Variants in ERBB4 observed in about 807,000 individuals in gnomAD.
ERBB4 encodes the protein erb-b2 receptor tyrosine kinase 4, also known as receptor tyrosine-protein kinase erbB-4.
ERBB4 carries 42 observed loss-of-function variants against 158.0 expected under a neutral mutation model. That is an observed-to-expected ratio of 0.27 (90% confidence interval 0.21 to 0.34). The LOEUF (loss-of-function observed/expected upper bound fraction) is 0.34, where lower values mean the gene tolerates loss of function less well. Among genes scored for constraint, ERBB4 ranks in the 10% least tolerant of loss-of-function variants. The pLI, the probability that ERBB4 is intolerant of heterozygous loss-of-function variation, is 1.00. For synonymous variants in ERBB4, 583 were observed against 558.7 expected, an observed-to-expected ratio of 1.04 and a Z score of -0.61; for missense variants, 1,333 against 1,624.1, an observed-to-expected ratio of 0.82 and a Z score of 3.08.
At chr2:212,395,057 T>C (rs2090985319) in intron 1 of ERBB4, among the ~76,000 whole-genome samples, 1 of 152,130 alleles carries the variant, frequency 6.6e-6, no homozygotes, top group East Asian at 1.9e-4. Flanking sequence ...AAACAATATC[T>C]AAAAGTCACT....
At chr2:212,027,813 G>T (rs998262387) in intron 2 of ERBB4, among the ~76,000 whole-genome samples, 3 of 151,942 alleles carry the variant, frequency 2.0e-5, no homozygotes, top group Admixed American at 6.6e-5. Flanking sequence ...TCACTTTGCA[G>T]CTTAGTCTTT....
chr2:211,681,532 T>G lies in ERBB4; in HGVS notation c.1490-2348A>C, dbSNP rs139775288. Among the ~76,000 whole-genome samples the G allele has an allele frequency of 3.2e-3, 484 of 152,370 alleles. 2 individuals are homozygous for G. Among genetic ancestry groups the G allele is most frequent in the African/African-American group, 0.011 (440 of 41,596 alleles). ...CCCTACATCTTCACCAACACTGATG[T>G]GGTCAGTTTGTTCAATTTCAAACTA... is the stretch of plus-strand genomic sequence containing the variant. On this transcript the variant is annotated intron_variant, in intron 12 of 27. Coordinates refer to ENST00000342788, the MANE Select transcript of ERBB4 (RefSeq NM_005235.3).
intron 3 of ERBB4, among the ~76,000 whole-genome samples, chr2:211,912,165 A>C (rs1163614503): frequency 2.0e-5 from 3 of 152,212 alleles, no homozygotes; most frequent in Non-Finnish European, 4.4e-5. Flanking sequence ...TACATTTTAC[A>C]CAAGATATAG....
intron 20 of ERBB4, among the ~76,000 whole-genome samples, chr2:211,432,653 T>TAC: frequency 6.6e-6 from 1 of 152,130 alleles, no homozygotes; most frequent in East Asian, 1.9e-4. Context: ...GATAGAATAT[T>TAC]TTCATATCTT....
chr2:211,743,747 C>T (rs548173998), intron 5 of ERBB4, among the ~76,000 whole-genome samples: 3 of 152,278 alleles, frequency 2.0e-5, no homozygotes, highest in South Asian at 4.1e-4. Flanking sequence ...TACATTAATC[C>T]ACTAAATCAA....
rs1164626992 is a variant in ERBB4 at position 211,725,025 on chromosome 2, T to C, written c.741+51A>G. The C allele has an allele frequency of 5.4e-6, 7 of 1,288,818 alleles. No homozygotes were observed. The South Asian group carries it at 8.3e-5, about 15-fold the overall frequency. 79.8% of individuals were successfully genotyped at this position (1,288,818 alleles called of 1,614,324 possible). A position where few individuals can be genotyped will look rare whatever the true frequency, so the allele number is the denominator to read the frequency against. On this transcript the variant is annotated intron_variant, in intron 6 of 27. Transcript: ENST00000342788. ...AAAGATTCAGTATGCCTGAATCAAA[T>C]AGGGAAGGAAAGGAGAGCAGGATAA...
chr2:212,310,053 CTAAG>C (rs1164045519), intron 1 of ERBB4, among the ~76,000 whole-genome samples: 3 of 150,366 alleles, frequency 2.0e-5, no homozygotes, highest in African/African-American at 7.3e-5. Flanking sequence ...ATGCATTTTT[CTAAG>C]TAAGTAAACA....
intron 1 of ERBB4, among the ~76,000 whole-genome samples, chr2:212,166,038 C>A (rs1173739544): frequency 6.6e-6 from 1 of 151,392 alleles, no homozygotes; most frequent in African/African-American, 2.4e-5. Flanking sequence ...GAAAGTTGTG[C>A]TCTGATAACA....
intron 3 of ERBB4, among the ~76,000 whole-genome samples, chr2:211,818,798 A>G (rs2076930724): frequency 6.6e-6 from 1 of 152,056 alleles, no homozygotes; most frequent in Non-Finnish European, 1.5e-5. Flanking sequence ...TCTGTGAGGA[A>G]TGATATAGTC....
chr2:211,892,926 G>T (rs1234626214), intron 3 of ERBB4, among the ~76,000 whole-genome samples: 1 of 144,580 alleles, frequency 6.9e-6, no homozygotes, highest in Non-Finnish European at 1.5e-5. Flanking sequence ...CAAACAAATG[G>T]AAGAACATTC....
intron 12 of ERBB4, among the ~76,000 whole-genome samples, chr2:211,684,635 A>C (rs1369261104): frequency 2.6e-5 from 4 of 152,188 alleles, no homozygotes; most frequent in Admixed American, 1.3e-4. Context: ...ACTGCTCTAT[A>C]GCTAACTATT....
chr2:211,724,996 A>G (rs1173923528), intron 6 of ERBB4, 80 bp downstream of exon 6: 1 of 1,079,074 alleles, frequency 9.3e-7, no homozygotes, highest in Non-Finnish European at 1.4e-6. Context: ...GATTGTAATA[A>G]GACAAAGATT....
At chr2:211,658,674 G>A (rs1483503030) in intron 15 of ERBB4, among the ~76,000 whole-genome samples, 1 of 152,046 alleles carries the variant, frequency 6.6e-6, no homozygotes, top group Non-Finnish European at 1.5e-5. Context: ...ACAAAAACAA[G>A]TTTTTAAACT....
intron 4 of ERBB4, among the ~76,000 whole-genome samples, chr2:211,757,434 G>A (rs908607762): frequency 6.6e-6 from 1 of 152,152 alleles, no homozygotes; most frequent in African/African-American, 2.4e-5. Flanking sequence ...GGCAATTACT[G>A]TACAGGAAAA....
chr2:211,999,931 T>G (rs1173507524), intron 2 of ERBB4, among the ~76,000 whole-genome samples: 1 of 151,788 alleles, frequency 6.6e-6, no homozygotes, highest in Non-Finnish European at 1.5e-5. Context: ...CAGTGGTTAT[T>G]ATGATTATAT....
Position 212,086,991 on chromosome 2 carries a change from T to C in ERBB4, c.234+37761A>G, listed in dbSNP as rs553584072. ...GAGACATTACCTCCTACCCCTAACA[T>C]CTGTCTCAGGCTAGTCACATCCACT... On this transcript the variant is annotated intron_variant, in intron 2 of 27. Coordinates refer to ENST00000342788, the MANE Select transcript of ERBB4 (RefSeq NM_005235.3). Among the ~76,000 whole-genome samples, 8 of 152,152 alleles carry C rather than the reference T, an allele frequency of 5.3e-5. No individual in the cohort carries two copies. The East Asian group carries it at 1.2e-3, about 22-fold the overall frequency.
chr2:212,016,140 A>G (rs2076524001), intron 2 of ERBB4, among the ~76,000 whole-genome samples: 2 of 122,890 alleles, frequency 1.6e-5, no homozygotes, highest in Admixed American at 8.3e-5. Context: ...ATGACTAGAC[A>G]TATATATATA....
At chr2:212,187,620 G>C (rs925207879) in intron 1 of ERBB4, among the ~76,000 whole-genome samples, 6 of 151,982 alleles carry the variant, frequency 3.9e-5, no homozygotes, top group Non-Finnish European at 2.9e-5. Context: ...TTAAGAGCCA[G>C]CATTTAAAAA....
Position 212,538,557 on chromosome 2 carries a change from G to T in ERBB4, c.-27C>A, listed in dbSNP as rs371640361. 6.2e-7 allele frequency: 1 copy of T among 1,602,528 alleles called. No individual in the cohort carries two copies. The highest frequency in any genetic ancestry group is 8.6e-7 in the Non-Finnish European group (1 of 1,169,392). ...TTTTGGAAGTCTCAGATCCCGTGCT[G>T]ACAATTACATGTCCAAATGGCATAT... On this transcript the variant is annotated 5_prime_UTR_variant, in exon 1 of 28. Transcript: ENST00000342788.
Sources: gnomAD v4.1 joint callset for allele counts (sites outside exome capture counted in the v4.1 genomes callset) on GRCh38, gnomAD v4.1.1 for gene constraint, MANE v1.5 for transcripts, NCBI Gene and HGNC (gene_info 2026-07-23, HGNC 2026-07-21) for gene names.